BCL11A: variants seen among roughly 807,000 people sequenced by gnomAD.
BCL11A encodes B cell CLL/lymphoma 11A.
A neutral mutation model predicts 55.9 loss-of-function variants in BCL11A; 2 were observed. That is an observed-to-expected ratio of 0.04 (90% CI 0.01 to 0.11). BCL11A has a LOEUF of 0.11. Among genes scored for constraint, BCL11A ranks in the 10% least tolerant of loss-of-function variants. BCL11A has a pLI of 1.00. For synonymous variants in BCL11A, 465 were observed against 473.4 expected (o/e 0.98, Z 0.23); for missense variants, 817 against 1,137.1 (o/e 0.72, Z 4.05).
intron 2 of BCL11A, among the ~76,000 whole-genome samples, chr2:60,521,105 A>ACT (rs372477611): frequency 6.2e-5 from 4 of 64,468 alleles, no homozygotes; most frequent in African/African-American, 1.6e-4. Context: ...ACACACTCAC[A>ACT]CACACACACA....
At position 60,461,140 on chromosome 2, in the gene BCL11A, G is replaced by T; in HGVS notation, c.1772C>A (p.Ala591Asp). 6.2e-7 allele frequency: 1 copy of T among 1,611,648 alleles called. No homozygotes were observed. The highest frequency in any genetic ancestry group is 8.5e-7 in the Non-Finnish European group (1 of 1,179,450). ...HRDTCDEDSVAGESDRIDDGT... is the reference protein window; with the variant it reads ...HRDTCDEDSVDGESDRIDDGT... ...ATCGTCTATGCGGTCCGACTCGCCG[G>T]CCACCGAGTCTTCGTCGCAAGTGTC... The change falls in exon 4 of 4, where the codon GCC (alanine) becomes GAC (aspartate). Residue 591 changes from alanine to aspartate, a missense_variant. By Grantham distance (126) the Ala-to-Asp change is moderately radical. Transcript: ENST00000642384.
chr2:60,539,658 A>C (rs945483460), intron 2 of BCL11A, among the ~76,000 whole-genome samples: 1 of 152,216 alleles, frequency 6.6e-6, no homozygotes, highest in East Asian at 1.9e-4. Context: ...TAATGCTGGC[A>C]CTTTTAAAAT....
chr2:60,543,761 G>A (rs1321953364), intron 2 of BCL11A: 2 of 152,176 alleles, frequency 1.3e-5, no homozygotes, highest in Admixed American at 1.3e-4. Flanking sequence ...ATTCATGCAC[G>A]AAAGGTTTAC....
intron 2 of BCL11A, among the ~76,000 whole-genome samples, chr2:60,470,395 A>T (rs1677133301): frequency 6.6e-6 from 1 of 152,204 alleles, no homozygotes; most frequent in African/African-American, 2.4e-5. Context: ...TTTCAATGAG[A>T]AATCTGAGAA....
chr2:60,536,999 G>A (rs1669695957), intron 2 of BCL11A: 1 of 152,242 alleles, frequency 6.6e-6, no homozygotes, highest in Non-Finnish European at 1.5e-5. Flanking sequence ...CAATCCACTT[G>A]TATGTAGAAT....
chr2:60,511,949 A>G (rs977681341), intron 2 of BCL11A, among the ~76,000 whole-genome samples: 1 of 152,184 alleles, frequency 6.6e-6, no homozygotes, highest in Non-Finnish European at 1.5e-5. Flanking sequence ...TCCTCCCAGC[A>G]ATGTAGGTGT....
intron 2 of BCL11A, among the ~76,000 whole-genome samples, chr2:60,512,930 A>G (rs1573036249): frequency 1.3e-5 from 2 of 152,180 alleles, no homozygotes; most frequent in Admixed American, 1.3e-4. Context: ...CAGAGAAAGG[A>G]GTTTCACCTC....
intron 2 of BCL11A, among the ~76,000 whole-genome samples, chr2:60,515,941 T>C (rs1668707584): frequency 6.6e-6 from 1 of 152,202 alleles, no homozygotes; most frequent in South Asian, 2.1e-4. Context: ...GGGAATATTC[T>C]CTGGGCACCG....
chr2:60,516,992 G>A (rs1025895983), intron 2 of BCL11A, among the ~76,000 whole-genome samples: 5 of 151,736 alleles, frequency 3.3e-5, no homozygotes, highest in Non-Finnish European at 5.9e-5. Context: ...AAGAAGTGGC[G>A]GAGAATGGAA....
intron 2 of BCL11A, chr2:60,534,024 G>C (rs1053193542): frequency 5.3e-5 from 8 of 152,142 alleles, no homozygotes; most frequent in Non-Finnish European, 1.2e-4. Context: ...ACACTGTTCT[G>C]ATTCTGCTTG....
chr2:60,520,057 T>A (rs168562), intron 2 of BCL11A, among the ~76,000 whole-genome samples: 2 of 152,140 alleles, frequency 1.3e-5, no homozygotes, highest in Admixed American at 6.5e-5. Flanking sequence ...TGTGTATTTA[T>A]GCACAAATGT....
In BCL11A at chr2:60,546,900, T is replaced by A. The variant is rs1482799495; in HGVS notation, c.56-600A>T. On this transcript the variant is annotated intron_variant, in intron 1 of 3. Coordinates refer to ENST00000642384, the MANE Select transcript of BCL11A (RefSeq NM_022893.4). This position sits in a 1 kb window ranked among gnomAD's most constrained non-coding sequence, Gnocchi z 4.1. ...ATGTGCCACATTTACACTGCTGTAA[T>A]AAGAAAACGACTGCATGCACCTATG... 1.3e-5 allele frequency among the ~76,000 whole-genome samples: 2 copies of A among 152,198 alleles called. No homozygotes were observed. The highest frequency in any genetic ancestry group is 4.8e-5 in the African/African-American group (2 of 41,448).
intron 2 of BCL11A, among the ~76,000 whole-genome samples, chr2:60,490,303 G>A (rs1375841755): frequency 6.6e-6 from 1 of 152,138 alleles, no homozygotes; most frequent in African/African-American, 2.4e-5. Flanking sequence ...TGCTGCCTTT[G>A]TCTTCTGATC....
At position 60,546,008 on chromosome 2, in the gene BCL11A, T is replaced by G. The variant is rs369754028; in HGVS notation, c.348A>C (p.Ser116=). 6.2e-7 allele frequency: 1 copy of G among 1,614,122 alleles called. No homozygotes were observed. The highest frequency in any genetic ancestry group is 8.5e-7 in the Non-Finnish European group (1 of 1,180,042). The change falls in exon 2 of 4, where the codon TCA becomes TCC. Residue 116 remains serine, a synonymous_variant. Transcript: ENST00000642384. The surrounding 1 kb of genome is among the most constrained non-coding windows in gnomAD (Gnocchi z 4.1). Reference sequence around the variant, plus strand: ...CCTGTTTGGGGCAAATTCCTCTAGATGACGTTGATAAACAATCGTCATCCT... The same window carrying G: ...CCTGTTTGGGGCAAATTCCTCTAGAGGACGTTGATAAACAATCGTCATCCT... ...TPEDDDCLST[S]SRGICPKQEH...
Position 60,553,350 on chromosome 2 carries a change from G to T in BCL11A, c.-80C>A, listed in dbSNP as rs1269637278. On this transcript the variant is annotated 5_prime_UTR_variant, in exon 1 of 4. Transcript: ENST00000642384. ...GGCTCGGTTCACATCGGGAGAGCCG[G>T]GTTAGAAAGAAGGAGACTCCAGAGA... 1.4e-6 allele frequency: 2 copies of T among 1,445,090 alleles called. No individual in the cohort carries two copies. Among genetic ancestry groups the T allele is most frequent in the South Asian group, 1.3e-5 (1 of 79,348 alleles). The allele number at this position is 1,445,090 out of a possible 1,614,324, so 89.5% of individuals were successfully genotyped here. A position where few individuals can be genotyped will look rare whatever the true frequency, so the allele number is the denominator to read the frequency against.
At position 60,546,364 on chromosome 2, in the gene BCL11A, A is replaced by G; in HGVS notation, c.56-64T>C. ...CAGAGAGGACAGAAAGGGGAGAAGC[A>G]CATCTCAACCCCATGCCATCCCACC... On this transcript the variant is annotated intron_variant, in intron 1 of 3. Coordinates refer to ENST00000642384, the MANE Select transcript of BCL11A (RefSeq NM_022893.4). The surrounding 1 kb of genome is among the most constrained non-coding windows in gnomAD (Gnocchi z 4.1). 1 of 1,391,988 alleles carries G rather than the reference A, an allele frequency of 7.2e-7. No homozygotes were observed. Among genetic ancestry groups the G allele is most frequent in the Non-Finnish European group, 1.0e-6 (1 of 999,750 alleles). 86.2% of individuals were successfully genotyped at this position (1,391,988 alleles called of 1,614,324 possible). A position where few individuals can be genotyped will look rare whatever the true frequency, so the allele number is the denominator to read the frequency against.
intron 3 of BCL11A, among the ~76,000 whole-genome samples, chr2:60,468,127 G>A (rs987072686): frequency 1.3e-5 from 2 of 149,438 alleles, no homozygotes; most frequent in Non-Finnish European, 1.5e-5. Flanking sequence ...TGGTTGTGGT[G>A]GTGGTGGTGA....
At chr2:60,467,975 GTAGTGA>G (rs1676937194) in intron 3 of BCL11A, among the ~76,000 whole-genome samples, 5 of 112,916 alleles carry the variant, frequency 4.4e-5, no homozygotes, top group South Asian at 2.7e-4. Context: ...GGTGGTGGTG[GTAGTGA>G]TGGTGGTGGT....
intron 2 of BCL11A, among the ~76,000 whole-genome samples, chr2:60,504,831 T>A (rs1167907384): frequency 6.6e-6 from 1 of 152,178 alleles, no homozygotes; most frequent in African/African-American, 2.4e-5. Context: ...CTGATTCCTA[T>A]CACATGCCTC....
Sources: gnomAD v4.1 joint callset for allele counts (sites outside exome capture counted in the v4.1 genomes callset) on GRCh38, gnomAD v4.1.1 for gene constraint, Gnocchi (gnomAD v3.1) non-coding constraint, MANE v1.5 for transcripts, NCBI Gene and HGNC (gene_info 2026-07-23, HGNC 2026-07-21) for gene names.